Variants in LAMC1 observed in about 807,000 individuals in gnomAD.
The protein encoded by LAMC1 is laminin subunit gamma-1.
A neutral mutation model predicts 173.6 loss-of-function variants in LAMC1; 38 were observed. That is an observed-to-expected ratio of 0.22 (90% CI 0.17 to 0.29). The LOEUF (loss-of-function observed/expected upper bound fraction) is 0.29, where lower values mean the gene tolerates loss of function less well. LAMC1 is among the 10% of genes least tolerant of loss of function. The pLI, the probability that LAMC1 is intolerant of heterozygous loss-of-function variation, is 1.00. For missense variants in LAMC1, 1,824 were observed against 2,051.8 expected (o/e 0.89, Z 2.14); for synonymous variants, 746 against 749.1 (o/e 1.00, Z 0.07).
At chr1:183,108,533 A>G (rs1248163321) in intron 3 of LAMC1, 127 bp downstream of exon 3, 18 of 746,744 alleles carry the variant, frequency 2.4e-5, no homozygotes, top group Non-Finnish European at 2.3e-5. Flanking sequence ...TAGGAGCGGC[A>G]GTCCTTCCTG....
Position 183,143,431 on chromosome 1 carries a change from T to C in LAMC1, c.*641T>C, listed in dbSNP as rs944970. ...CAGGATGCAATTATTTATAAAAGTC[T>C]CCAGGTGAACATGGCTGAAGATTTT... On this transcript the variant is annotated 3_prime_UTR_variant, in exon 28 of 28. Coordinates refer to ENST00000258341, the MANE Select transcript of LAMC1 (RefSeq NM_002293.4). The C allele has an allele frequency of 0.53, 80,893 of 152,312 alleles. 21,970 individuals are homozygous for C. Among genetic ancestry groups the C allele is most frequent in the South Asian group, 0.65 (3,106 of 4,810 alleles). The allele number at this position is 152,312 out of a possible 1,614,324, so 9.4% of individuals were successfully genotyped here.
chr1:183,140,339 G>GA, intron 26 of LAMC1, 65 bp from the exon 27 acceptor site: 1 of 959,370 alleles, frequency 1.0e-6, no homozygotes, highest in Non-Finnish European at 1.5e-6. Context: ...GGGTCATTGG[G>GA]AAAAAAGATT....
At chr1:183,096,262 A>C (rs1251818934) in intron 1 of LAMC1, among the ~76,000 whole-genome samples, 1 of 152,200 alleles carries the variant, frequency 6.6e-6, no homozygotes, top group Admixed American at 6.5e-5. Flanking sequence ...ATTTCCATAG[A>C]GATTACGGAT....
chr1:183,093,552 A>T (rs1015099660), intron 1 of LAMC1, among the ~76,000 whole-genome samples: 3 of 151,964 alleles, frequency 2.0e-5, no homozygotes, highest in African/African-American at 7.3e-5. Context: ...TCCATTCCCT[A>T]GTTGTTTTCC....
chr1:183,064,883 A>G (rs551977852), intron 1 of LAMC1, among the ~76,000 whole-genome samples: 2 of 152,192 alleles, frequency 1.3e-5, no homozygotes, highest in Admixed American at 6.5e-5. Context: ...TCAGGAACCA[A>G]CTTTGCTAGG....
chr1:183,083,920 T>C (rs546051954), intron 1 of LAMC1, among the ~76,000 whole-genome samples: 3 of 152,236 alleles, frequency 2.0e-5, no homozygotes, highest in Non-Finnish European at 4.4e-5. Context: ...GTAAGATTGC[T>C]GTCACTGGAA....
Position 183,142,845 on chromosome 1 carries a change from A to C in LAMC1, c.*55A>C. 1 of 1,532,886 alleles carries C rather than the reference A, an allele frequency of 6.5e-7. No homozygotes were observed. The highest frequency in any genetic ancestry group is 8.8e-7 in the Non-Finnish European group (1 of 1,135,760). 95.0% of individuals were successfully genotyped at this position (1,532,886 alleles called of 1,614,324 possible). A position where few individuals can be genotyped will look rare whatever the true frequency, so the allele number is the denominator to read the frequency against. ...CTGACAGGGGGGCAGTTGTGAGGCC[A>C]CAGAGTGCCTTGACACAAAGATTAC... On this transcript the variant is annotated 3_prime_UTR_variant, in exon 28 of 28. Transcript: ENST00000258341.
intron 13 of LAMC1, 88 bp downstream of exon 13, chr1:183,122,339 GTGTT>G: frequency 1.6e-6 from 2 of 1,274,474 alleles, no homozygotes; most frequent in Non-Finnish European, 1.1e-6. Context: ...TTGGATCTTT[GTGTT>G]TGGTTCAGTT....
intron 1 of LAMC1, among the ~76,000 whole-genome samples, chr1:183,057,253 G>A (rs1196006136): frequency 6.6e-6 from 1 of 152,182 alleles, no homozygotes; most frequent in Admixed American, 6.5e-5. Context: ...AGGTATATTC[G>A]TTTATATTTC....
At chr1:183,079,786 G>A (rs1174671601) in intron 1 of LAMC1, among the ~76,000 whole-genome samples, 2 of 152,166 alleles carry the variant, frequency 1.3e-5, no homozygotes, top group Non-Finnish European at 2.9e-5. Flanking sequence ...AATTTGAAGA[G>A]CGGTAGATCA....
At chr1:183,068,234 G>GTT (rs561703501) in intron 1 of LAMC1, among the ~76,000 whole-genome samples, 4 of 150,762 alleles carry the variant, frequency 2.7e-5, no homozygotes, top group South Asian at 2.1e-4. Flanking sequence ...ATTTTGTATT[G>GTT]TTTTTTTTTG....
rs1653582956 is a variant in LAMC1, at chr1:183,023,450, T to A, written c.-267T>A. The stretch of plus-strand genomic sequence containing the variant: ...CGGGCACGCGCTCGGAAGTCGGGGG[T>A]CGGCGCGGAGTGCAGGCTGCTCCCG... On this transcript the variant is annotated 5_prime_UTR_variant, in exon 1 of 28. Transcript: ENST00000258341. 1 of 176,668 alleles carries A rather than the reference T, an allele frequency of 5.7e-6. No individual in the cohort carries two copies. The highest frequency in any genetic ancestry group is 2.0e-4 in the South Asian group (1 of 4,914). The allele number at this position is 176,668 out of a possible 1,614,324, so 10.9% of individuals were successfully genotyped here.
intron 1 of LAMC1, among the ~76,000 whole-genome samples, chr1:183,080,092 A>C (rs1024469879): frequency 2.6e-5 from 4 of 151,980 alleles, no homozygotes; most frequent in Admixed American, 2.6e-4. Flanking sequence ...AAAATACAAA[A>C]AATTAGCCGG....
chr1:183,101,143 G>A (rs1655824886), intron 1 of LAMC1, among the ~76,000 whole-genome samples: 1 of 152,092 alleles, frequency 6.6e-6, no homozygotes, highest in Non-Finnish European at 1.5e-5. Flanking sequence ...TGAGATATCA[G>A]AAGGATAGAG....
intron 1 of LAMC1, among the ~76,000 whole-genome samples, chr1:183,035,538 G>T (rs1399907580): frequency 6.6e-6 from 1 of 152,124 alleles, no homozygotes; most frequent in Non-Finnish European, 1.5e-5. Flanking sequence ...TGTACTAGTT[G>T]TATGATATTT....
intron 1 of LAMC1, among the ~76,000 whole-genome samples, chr1:183,056,654 C>T (rs914355860): frequency 2.0e-5 from 3 of 152,140 alleles, no homozygotes; most frequent in Admixed American, 6.5e-5. Flanking sequence ...GTCATTTAGT[C>T]GACCACGCTC....
intron 1 of LAMC1, among the ~76,000 whole-genome samples, chr1:183,073,875 A>G (rs530495236): frequency 6.6e-6 from 1 of 152,328 alleles, no homozygotes; most frequent in African/African-American, 2.4e-5. Context: ...AACAGAAAAA[A>G]GGACAAGTTT....
In LAMC1 at chr1:183,143,669, A is replaced by G. The variant is rs958270831; in HGVS notation, c.*879A>G. 2 of 152,266 alleles carry G rather than the reference A, an allele frequency of 1.3e-5. No individual in the cohort carries two copies. Among genetic ancestry groups the G allele is most frequent in the African/African-American group, 4.8e-5 (2 of 41,454 alleles). The allele number at this position is 152,266 out of a possible 1,614,324, so 9.4% of individuals were successfully genotyped here. A position where few individuals can be genotyped will look rare whatever the true frequency, so the allele number is the denominator to read the frequency against. On this transcript the variant is annotated 3_prime_UTR_variant, in exon 28 of 28. Coordinates refer to ENST00000258341, the MANE Select transcript of LAMC1 (RefSeq NM_002293.4). ...TCAAACTAATTCTTACAGCTTTTTT[A>G]TTAGTTAGTCTTGGAACTAGTGTTA...
rs576860947 is a variant in LAMC1 at position 183,111,924 on chromosome 1, A to G, written c.1021+1270A>G. 1.2e-4 allele frequency among the ~76,000 whole-genome samples: 19 copies of G among 152,230 alleles called. No homozygotes were observed. In the South Asian group the frequency reaches 2.3e-3, roughly 18 times the overall value. Reference sequence around the variant, plus strand: ...GTGGTGCACGCCTGTAATCACAGCTACTCACTTGGGAAGCTGAGGCAGGAG... The same window carrying G: ...GTGGTGCACGCCTGTAATCACAGCTGCTCACTTGGGAAGCTGAGGCAGGAG... On this transcript the variant is annotated intron_variant, in intron 4 of 27. Transcript: ENST00000258341.
Sources: allele counts gnomAD v4.1 joint callset (sites outside exome capture counted in the v4.1 genomes callset), GRCh38; gene constraint gnomAD v4.1.1; transcripts MANE v1.5; gene names NCBI Gene and HGNC (gene_info 2026-07-23, HGNC 2026-07-21).